PRICKLE1: variants seen among roughly 807,000 people sequenced by gnomAD.
The protein encoded by PRICKLE1 is prickle-like protein 1.
In PRICKLE1, 14 loss-of-function variants were observed where a neutral mutation model predicts 70.2. That is an observed-to-expected ratio of 0.20 (90% confidence interval 0.13 to 0.31). PRICKLE1 has a LOEUF of 0.31. PRICKLE1 is among the 10% of genes least tolerant of loss of function. PRICKLE1 has a pLI of 1.00. For synonymous variants in PRICKLE1, 357 were observed against 379.9 expected, an observed-to-expected ratio of 0.94 and a Z score of 0.70; for missense variants, 821 against 1,026.2, an observed-to-expected ratio of 0.80 and a Z score of 2.73.
At chr12:42,519,213 T>TTTTTTTTG (rs56232709) in intron 1 of PRICKLE1, among the ~76,000 whole-genome samples, 1 of 140,730 alleles carries the variant, frequency 7.1e-6, no homozygotes, top group Admixed American at 7.2e-5. Flanking sequence ...TTTTTTTTTT[T>TTTTTTTTG]GAGATGGTGT....
intron 1 of PRICKLE1, among the ~76,000 whole-genome samples, chr12:42,486,130 G>C (rs1443231927): frequency 6.6e-6 from 1 of 152,182 alleles, no homozygotes; most frequent in Non-Finnish European, 1.5e-5. Flanking sequence ...ACAGGGCTTG[G>C]TTCCCTCGCT....
chr12:42,523,705 A>C (rs1374314382), intron 1 of PRICKLE1, among the ~76,000 whole-genome samples: 1 of 152,236 alleles, frequency 6.6e-6, no homozygotes, highest in Non-Finnish European at 1.5e-5. Context: ...GCAGCTATAA[A>C]CACAGTCAGA....
chr12:42,466,439 G>T, intron 5 of PRICKLE1, 59 bp from the exon 6 acceptor site: 1 of 1,500,820 alleles, frequency 6.7e-7, no homozygotes, highest in Non-Finnish European at 9.3e-7. Flanking sequence ...CTATTTTAAA[G>T]GCCAAGTAAC....
In PRICKLE1 at chr12:42,479,522, G is replaced by C. The variant is rs183479001; in HGVS notation, c.-48-6958C>G. Among the ~76,000 whole-genome samples, 1,167 of 152,288 alleles carry C rather than the reference G, an allele frequency of 7.7e-3. 8 individuals carry two copies. Among genetic ancestry groups the C allele is most frequent in the African/African-American group, 0.027 (1,113 of 41,540 alleles). On this transcript the variant is annotated intron_variant, in intron 1 of 7. Transcript: ENST00000345127. ...ATATAACACAGTGATATAATGAGGG[G>C]TTCCTTTGTGAAATTTACTTTCTAG...
rs149081145 is a variant in PRICKLE1, at chr12:42,514,082, A to G, written c.-48-41518T>C. On this transcript the variant is annotated intron_variant, in intron 1 of 7. Transcript: ENST00000345127. ...ATTAGGAAGCTATTCAGTTTAGTAC[A>G]TGCAATAGCCCCAAGACTATAACCA... 2.9e-3 allele frequency among the ~76,000 whole-genome samples: 448 copies of G among 152,304 alleles called. 4 individuals are homozygous for G. The highest frequency in any genetic ancestry group is 9.5e-3 in the African/African-American group (395 of 41,572).
chr12:42,570,725 C>T (rs1211930230), intron 1 of PRICKLE1, among the ~76,000 whole-genome samples: 5 of 152,120 alleles, frequency 3.3e-5, no homozygotes, highest in African/African-American at 1.2e-4. Flanking sequence ...GAGGCTGAGG[C>T]AGGAGAATCA....
At chr12:42,550,914 C>G (rs947099936) in intron 1 of PRICKLE1, among the ~76,000 whole-genome samples, 1 of 152,166 alleles carries the variant, frequency 6.6e-6, no homozygotes, top group Admixed American at 6.5e-5. Context: ...ACTCTAAAAT[C>G]CTCAACTTTT....
intron 1 of PRICKLE1, among the ~76,000 whole-genome samples, chr12:42,516,702 G>C (rs1236902082): frequency 6.6e-6 from 1 of 152,092 alleles, no homozygotes. Context: ...ATGAGGACAG[G>C]GAAAGGGAGG....
chr12:42,567,919 A>C (rs17091361), intron 1 of PRICKLE1, among the ~76,000 whole-genome samples: 1 of 151,864 alleles, frequency 6.6e-6, no homozygotes, highest in Non-Finnish European at 1.5e-5. Flanking sequence ...GGGAAAAATA[A>C]CCCTTGAAAA....
At chr12:42,579,935 A>C (rs981603229) in intron 1 of PRICKLE1, among the ~76,000 whole-genome samples, 2 of 151,808 alleles carry the variant, frequency 1.3e-5, no homozygotes, top group Admixed American at 6.6e-5. Flanking sequence ...GCAATGGCGC[A>C]ATCTTGGCTC....
At chr12:42,512,991 G>A (rs1939542117) in intron 1 of PRICKLE1, among the ~76,000 whole-genome samples, 1 of 151,548 alleles carries the variant, frequency 6.6e-6, no homozygotes, top group South Asian at 2.1e-4. Flanking sequence ...TTTATATGTA[G>A]TTTCACTCTT....
chr12:42,574,752 G>A (rs11181566), intron 1 of PRICKLE1, among the ~76,000 whole-genome samples: 33,288 of 152,090 alleles, frequency 0.22, 4,693 homozygotes, highest in East Asian at 0.42. Context: ...TAAAAGTACA[G>A]TATTTATACC....
chr12:42,533,007 T>G (rs1249989746), intron 1 of PRICKLE1, among the ~76,000 whole-genome samples: 1 of 152,176 alleles, frequency 6.6e-6, no homozygotes, highest in Non-Finnish European at 1.5e-5. Context: ...TTGCTAGTGG[T>G]TACAGTATTA....
At chr12:42,578,743 T>TTTTTTTTATTTA (rs1555241839) in intron 1 of PRICKLE1, among the ~76,000 whole-genome samples, 20 of 146,274 alleles carry the variant, frequency 1.4e-4, no homozygotes, top group East Asian at 4.0e-4. Context: ...GTTTATTTCA[T>TTTTTTTTATTTA]TTTATTTATT....
intron 4 of PRICKLE1, among the ~76,000 whole-genome samples, 153 bp from the exon 5 acceptor site, chr12:42,468,982 C>T (rs12370684): frequency 1.3e-5 from 2 of 152,192 alleles, no homozygotes; most frequent in African/African-American, 4.8e-5. Context: ...TGCTGGATTA[C>T]TGGTGATTCT....
intron 1 of PRICKLE1, among the ~76,000 whole-genome samples, chr12:42,530,694 T>C (rs1460271828): frequency 6.9e-6 from 1 of 143,930 alleles, no homozygotes; most frequent in Non-Finnish European, 1.5e-5. Flanking sequence ...TTTTTTTTTT[T>C]TTTTTTTTTG....
At chr12:42,508,381 T>C (rs1448449307) in intron 1 of PRICKLE1, among the ~76,000 whole-genome samples, 2 of 152,204 alleles carry the variant, frequency 1.3e-5, no homozygotes, top group African/African-American at 2.4e-5. Context: ...TTATGTGCAA[T>C]GTAATTCTCA....
chr12:42,474,862 T>C (rs919607936), intron 1 of PRICKLE1, among the ~76,000 whole-genome samples: 2 of 152,100 alleles, frequency 1.3e-5, no homozygotes, highest in Non-Finnish European at 2.9e-5. Flanking sequence ...ACAAAGAACA[T>C]AAATATTAAA....
At chr12:42,545,613 C>T (rs939319716) in intron 1 of PRICKLE1, among the ~76,000 whole-genome samples, 9 of 152,134 alleles carry the variant, frequency 5.9e-5, no homozygotes, top group Admixed American at 2.6e-4. Context: ...CTTTGGGAGG[C>T]CAAGGCAGGC....
Sources: allele counts gnomAD v4.1 joint callset (sites outside exome capture counted in the v4.1 genomes callset), GRCh38; gene constraint gnomAD v4.1.1; transcripts MANE v1.5; gene names NCBI Gene and HGNC (gene_info 2026-07-23, HGNC 2026-07-21).